The following LRRC74A variants were observed in gnomAD, a reference collection of about 807,000 sequenced individuals.
LRRC74A encodes the protein leucine rich repeat containing 74A, also known as leucine-rich repeat-containing protein 74A.
LRRC74A carries 44 observed loss-of-function variants against 57.9 expected under a neutral mutation model. The observed-to-expected ratio is 0.76, with a 90% CI of 0.60 to 0.98. LRRC74A has a LOEUF of 0.98. LRRC74A is among the 50% of genes least tolerant of loss of function. The pLI is 0.00. For synonymous variants in LRRC74A, 211 were observed against 219.4 expected, an observed-to-expected ratio of 0.96 and a Z score of 0.34; for missense variants, 572 against 574.0, an observed-to-expected ratio of 1.00 and a Z score of 0.04.
chr14:76,863,569 C>G (rs1898500598), intron 11 of LRRC74A, among the ~76,000 whole-genome samples: 1 of 152,212 alleles, frequency 6.6e-6, no homozygotes, highest in Non-Finnish European at 1.5e-5. Context: ...AGCGAACGCC[C>G]TTCGTGTTCC....
chr14:76,828,947 G>C, intron 2 of LRRC74A: 1 of 1,217,900 alleles, frequency 8.2e-7, no homozygotes, highest in South Asian at 1.3e-5. Context: ...TTGCATCCCA[G>C]TGACTTTCCC....
chr14:76,861,085 G>A (rs1302045984), intron 11 of LRRC74A, among the ~76,000 whole-genome samples: 2 of 152,204 alleles, frequency 1.3e-5, no homozygotes, highest in South Asian at 2.1e-4. Flanking sequence ...GGGGGCAGGT[G>A]GACAGAATGG....
chr14:76,866,476 C>T (rs1431452980), intron 12 of LRRC74A, among the ~76,000 whole-genome samples: 1 of 152,158 alleles, frequency 6.6e-6, no homozygotes, highest in East Asian at 1.9e-4. Flanking sequence ...TCTCGCTCCC[C>T]ATGTAATAAA....
intron 7 of LRRC74A, among the ~76,000 whole-genome samples, chr14:76,850,799 C>T (rs982573744): frequency 2.1e-5 from 3 of 140,294 alleles, no homozygotes; most frequent in Non-Finnish European, 4.5e-5. Flanking sequence ...ACCCAGGAGG[C>T]GGAGGTTGCA....
intron 1 of LRRC74A, 53 bp from the exon 2 acceptor site, chr14:76,828,238 G>A: frequency 1.3e-6 from 2 of 1,544,046 alleles, no homozygotes; most frequent in African/African-American, 1.4e-5. Context: ...GGCTTTATTG[G>A]GAGGCCAGCA....
intron 5 of LRRC74A, among the ~76,000 whole-genome samples, chr14:76,839,130 C>T (rs968498283): frequency 6.6e-6 from 1 of 152,218 alleles, no homozygotes; most frequent in African/African-American, 2.4e-5. Context: ...ATTTTGCCTT[C>T]AAGTAATGTT....
rs554766770 is a variant in LRRC74A, at chr14:76,828,355, C to T, written c.102C>T (p.Ser34=). 50 of 1,613,762 alleles carry T rather than the reference C, an allele frequency of 3.1e-5. No individual in the cohort carries two copies. The South Asian group carries it at 5.1e-4, about 16-fold the overall frequency. Residue 34 remains serine, a synonymous_variant, in exon 2 of 14, where the codon TCC becomes TCT. Coordinates refer to ENST00000689127, the MANE Select transcript of LRRC74A (RefSeq NM_001385106.1). ...SDKMLYCEAE[S]PPTVEKVKPA... ...AAATGCTCTACTGTGAGGCCGAATC[C>T]CCGCCGACTGTTGAAAAAGTGAAAC...
At chr14:76,849,414 C>T (rs1897295349) in intron 7 of LRRC74A, among the ~76,000 whole-genome samples, 1 of 151,986 alleles carries the variant, frequency 6.6e-6, no homozygotes, top group African/African-American at 2.4e-5. Context: ...TCCTCGGCCT[C>T]CCAAAGAGCT....
intron 2 of LRRC74A, chr14:76,829,052 T>C (rs189856101): frequency 1.6e-6 from 2 of 1,289,400 alleles, no homozygotes; most frequent in East Asian, 1.1e-4. Context: ...AAAGACTCTG[T>C]TAATGCAAAT....
In LRRC74A at chr14:76,852,355, C is replaced by G; in HGVS notation, c.677-10C>G. 1 of 1,600,252 alleles carries G rather than the reference C, an allele frequency of 6.2e-7. No individual in the cohort carries two copies. Among genetic ancestry groups the G allele is most frequent in the Non-Finnish European group, 8.6e-7 (1 of 1,169,274 alleles). Reference sequence around the variant, plus strand: ...TGGGAGATGCTAAGCCGATTCCCTCCCTGTTTCAGCCATCAACGTGGGGCT... The same window carrying G: ...TGGGAGATGCTAAGCCGATTCCCTCGCTGTTTCAGCCATCAACGTGGGGCT... On this transcript the variant is annotated splice_polypyrimidine_tract_variant and intron_variant, in intron 7 of 13. Transcript: ENST00000689127.
At chr14:76,835,056 A>G (rs907802198) in intron 3 of LRRC74A, among the ~76,000 whole-genome samples, 10 of 152,134 alleles carry the variant, frequency 6.6e-5, no homozygotes, top group African/African-American at 2.2e-4. Flanking sequence ...AAAATGCTCA[A>G]ATCCAAACCT....
In LRRC74A at chr14:76,870,251, A is replaced by G; in HGVS notation, c.*102A>G. The G allele has an allele frequency of 7.8e-7, 1 of 1,287,446 alleles. No individual in the cohort carries two copies. The highest frequency in any genetic ancestry group is 1.3e-5 in the South Asian group (1 of 78,632). 79.8% of individuals were successfully genotyped at this position (1,287,446 alleles called of 1,614,324 possible). A position where few individuals can be genotyped will look rare whatever the true frequency, so the allele number is the denominator to read the frequency against. ...AGGTGGCTGAAATCTCGATGGACAGATGCTGTGGCAGGGGCTGGGCACAAG... is the reference window on the plus strand; with the variant it reads ...AGGTGGCTGAAATCTCGATGGACAGGTGCTGTGGCAGGGGCTGGGCACAAG... On this transcript the variant is annotated 3_prime_UTR_variant, in exon 14 of 14. Coordinates refer to ENST00000689127, the MANE Select transcript of LRRC74A (RefSeq NM_001385106.1).
rs750226901 is a variant in LRRC74A at position 76,836,245 on chromosome 14, T to C, written c.378T>C (p.Asn126=). Residue 126 remains asparagine, a synonymous_variant, in exon 4 of 14, where the codon AAT becomes AAC. Transcript: ENST00000689127. ...MAVTKLELED[N]CIMEEGVLSL... is the part of the protein sequence containing the mutation. Reference sequence around the variant, plus strand: ...TTACCAAACTGGAGCTGGAAGACAATTGCATCATGGAGGAGGGCGTCTTGA... The same window carrying C: ...TTACCAAACTGGAGCTGGAAGACAACTGCATCATGGAGGAGGGCGTCTTGA... The C allele has an allele frequency of 4.3e-6, 7 of 1,613,834 alleles. No homozygotes were observed. The highest frequency in any genetic ancestry group is 1.1e-5 in the South Asian group (1 of 91,012).
At chr14:76,869,871 A>G (rs1190423543) in intron 13 of LRRC74A, among the ~76,000 whole-genome samples, 3 of 152,176 alleles carry the variant, frequency 2.0e-5, no homozygotes, top group African/African-American at 7.2e-5. Context: ...TGCCTCCCCA[A>G]AGGGCTCTTG....
intron 8 of LRRC74A, 145 bp from the exon 9 acceptor site, chr14:76,853,071 T>C (rs1897621765): frequency 1.4e-6 from 1 of 705,708 alleles, no homozygotes; most frequent in Admixed American, 2.8e-5. Context: ...AGCTGGGAGC[T>C]CTGAATGATC....
intron 12 of LRRC74A, 85 bp from the exon 13 acceptor site, chr14:76,867,271 G>T: frequency 5.2e-6 from 2 of 387,892 alleles, no homozygotes; most frequent in African/African-American, 3.4e-5. Context: ...TGTGTGTGTT[G>T]GGGGGGTAGT....
In LRRC74A at chr14:76,829,214, C is replaced by T. The variant is rs1895803798; in HGVS notation, c.166+795C>T. 5 of 1,286,392 alleles carry T rather than the reference C, an allele frequency of 3.9e-6. No homozygotes were observed. In the African/African-American group the frequency reaches 6.1e-5, roughly 16 times the overall value. 79.7% of individuals were successfully genotyped at this position (1,286,392 alleles called of 1,614,324 possible). On this transcript the variant is annotated intron_variant, in intron 2 of 13. Coordinates refer to ENST00000689127, the MANE Select transcript of LRRC74A (RefSeq NM_001385106.1). ...GCCTAGCCCAGTCACCCTTCCTCCC[C>T]TGCATCCTTGCAGCTGGCTGGTGGG... is the stretch of plus-strand genomic sequence containing the variant.
At chr14:76,833,577 GATT>G (rs1284641557) in intron 3 of LRRC74A, among the ~76,000 whole-genome samples, 4 of 151,266 alleles carry the variant, frequency 2.6e-5, no homozygotes, top group Non-Finnish European at 5.9e-5. Context: ...GAGTAGCTGG[GATT>G]ACAGGTGCGC....
intron 3 of LRRC74A, among the ~76,000 whole-genome samples, chr14:76,831,989 T>A (rs966912057): frequency 6.6e-6 from 1 of 152,184 alleles, no homozygotes; most frequent in African/African-American, 2.4e-5. Context: ...ACCTAACAAC[T>A]GCCTGTCAGC....
Sources: allele counts gnomAD v4.1 joint callset (sites outside exome capture counted in the v4.1 genomes callset), GRCh38; gene constraint gnomAD v4.1.1; transcripts MANE v1.5; gene names NCBI Gene and HGNC (gene_info 2026-07-23, HGNC 2026-07-21).